Variants in KALRN observed in about 807,000 individuals in gnomAD.
The protein encoded by KALRN is kalirin.
In KALRN, 70 loss-of-function variants were observed where a neutral mutation model predicts 353.7. The observed-to-expected ratio is 0.20, with a 90% CI of 0.16 to 0.24. The LOEUF is 0.24. Among genes scored for constraint, KALRN ranks in the 10% least tolerant of loss-of-function variants. KALRN has a pLI of 1.00. For synonymous variants in KALRN, 1,391 were observed against 1,434.8 expected (o/e 0.97, Z 0.69); for missense variants, 2,791 against 3,756.7 (o/e 0.74, Z 6.72).
At position 124,422,827 on chromosome 3, in the gene KALRN, G is replaced by C. The variant is rs1455971505; in HGVS notation, c.2558G>C (p.Cys853Ser). Residue 853 changes from cysteine (C) to serine (S), a missense_variant, in exon 15 of 60, where the codon TGT becomes TCT. Around this residue, in one of 11 missense-constraint regions of KALRN, gnomAD observed 452 missense variants for 575.8 expected, o/e 0.78. Transcript: ENST00000682506. ...TTAAAATCAGGAATTGAGTTGATCT[G>C]TGAAAAAGACATTGATCTGGCAGCC... ...EVQASGIELI[C>S]EKDIDLAAQV... The C allele has an allele frequency of 6.2e-7, 1 of 1,613,758 alleles. No homozygotes were observed. The highest frequency in any genetic ancestry group is 8.5e-7 in the Non-Finnish European group (1 of 1,179,768).
chr3:124,511,127 T>C (rs2065857011), intron 33 of KALRN, among the ~76,000 whole-genome samples: 1 of 151,836 alleles, frequency 6.6e-6, no homozygotes, highest in Non-Finnish European at 1.5e-5. Flanking sequence ...CCCTCTCCTC[T>C]CCCCTTCCCC....
intron 53 of KALRN, among the ~76,000 whole-genome samples, chr3:124,695,196 A>T (rs899022669): frequency 2.4e-4 from 37 of 152,186 alleles, no homozygotes; most frequent in Non-Finnish European, 4.6e-4. Flanking sequence ...CACAGAGTCC[A>T]TTTAACAAAA....
At position 124,138,013 on chromosome 3, in the gene KALRN, A is replaced by T. The variant is rs80124573; in HGVS notation, c.74-89977A>T. Among the ~76,000 whole-genome samples, 224 of 152,288 alleles carry T rather than the reference A, an allele frequency of 1.5e-3. 3 individuals carry two copies. The East Asian group carries it at 0.041, about 28-fold the overall frequency. ...TCAGAACAGCCCTAGTCGGAGCTTA[A>T]GGCCCTGGACATTCCCAGGGATCCC... On this transcript the variant is annotated intron_variant, in intron 1 of 59. Coordinates refer to ENST00000682506, the MANE Select transcript of KALRN (RefSeq NM_001388419.1).
intron 41 of KALRN, 72 bp downstream of exon 41, chr3:124,657,875 C>A: frequency 8.8e-7 from 1 of 1,134,156 alleles, no homozygotes; most frequent in Non-Finnish European, 1.3e-6. Context: ...AAATCCTGGC[C>A]AGGCACAGTG....
chr3:124,132,316 C>T (rs912205185), intron 1 of KALRN, among the ~76,000 whole-genome samples: 3 of 152,092 alleles, frequency 2.0e-5, no homozygotes, highest in Admixed American at 1.3e-4. Flanking sequence ...AGTTTGGGGC[C>T]ACATTTTCCT....
At chr3:124,166,829 A>G (rs2070932263) in intron 1 of KALRN, among the ~76,000 whole-genome samples, 1 of 152,088 alleles carries the variant, frequency 6.6e-6, no homozygotes, top group Admixed American at 6.6e-5. Flanking sequence ...ACTGGAGGCC[A>G]GGAGTTTGAG....
intron 29 of KALRN, 105 bp downstream of exon 29, chr3:124,488,420 G>A (rs2062788914): frequency 1.3e-6 from 1 of 762,726 alleles, no homozygotes; most frequent in East Asian, 2.6e-5. Context: ...TGCAAGGCTG[G>A]AAGAGAGAAG....
At position 124,495,994 on chromosome 3, in the gene KALRN, TATATATATATATATATATACACAC is replaced by T. The variant is rs1292356118; in HGVS notation, c.4833-315_4833-292del. Among the ~76,000 whole-genome samples the T allele has an allele frequency of 8.0e-4, 46 of 57,468 alleles. 8 individuals are homozygous for T. The highest frequency in any genetic ancestry group is 4.1e-3 in the South Asian group (6 of 1,476). The allele number at this position is 57,468 out of a possible 152,430, so 37.7% of individuals were successfully genotyped here. A position where few individuals can be genotyped will look rare whatever the true frequency, so the allele number is the denominator to read the frequency against. On this transcript the variant is annotated intron_variant, in intron 32 of 59. Transcript: ENST00000682506. Reference sequence around the variant, plus strand: ...ATATATATATATATATATATATATATATATATATATATATATATACACACACATATATACATACATACACCCCCT... The same window carrying T: ...ATATATATATATATATATATATATATACATATATACATACATACACCCCCT...
chr3:124,445,933 G>A (rs2093823482), intron 19 of KALRN, among the ~76,000 whole-genome samples: 1 of 152,172 alleles, frequency 6.6e-6, no homozygotes, highest in Non-Finnish European at 1.5e-5. Context: ...CTTAGTTGAT[G>A]GAACTCTCAT....
At chr3:124,120,706 C>T (rs2063890336) in intron 1 of KALRN, among the ~76,000 whole-genome samples, 1 of 77,700 alleles carries the variant, frequency 1.3e-5, no homozygotes, top group South Asian at 4.4e-4. Flanking sequence ...GATAGGAATA[C>T]TAAAAATATA....
chr3:124,206,375 C>A (rs1465344922), intron 1 of KALRN, among the ~76,000 whole-genome samples: 1 of 152,200 alleles, frequency 6.6e-6, no homozygotes, highest in Non-Finnish European at 1.5e-5. Context: ...GCATATGATA[C>A]TTCTGCTCAC....
intron 6 of KALRN, among the ~76,000 whole-genome samples, chr3:124,321,485 G>T (rs377534440): frequency 1.6e-4 from 25 of 152,366 alleles, no homozygotes; most frequent in African/African-American, 5.8e-4. Context: ...CCAGGAATCA[G>T]GTTGGAAGTG....
chr3:124,627,884 A>G (rs1435917571), intron 34 of KALRN, among the ~76,000 whole-genome samples: 2 of 152,214 alleles, frequency 1.3e-5, no homozygotes, highest in Admixed American at 6.5e-5. Flanking sequence ...TCGAGCTCCT[A>G]ATATTCCCTG....
chr3:124,681,625 T>C (rs2087779226), intron 51 of KALRN, among the ~76,000 whole-genome samples: 1 of 139,692 alleles, frequency 7.2e-6, no homozygotes, highest in African/African-American at 2.7e-5. Flanking sequence ...ATTTCAGTGA[T>C]TGTCTTTTTT....
At position 124,490,705 on chromosome 3, in the gene KALRN, A is replaced by T; in HGVS notation, c.4408A>T (p.Asn1470Tyr). 6.2e-7 allele frequency: 1 copy of T among 1,612,878 alleles called. No homozygotes were observed. Among genetic ancestry groups the T allele is most frequent in the Non-Finnish European group, 8.5e-7 (1 of 1,179,700 alleles). Reference sequence around the variant, plus strand: ...TGGATGTTTTTCAGGGTTCGACGAGAACCTGGATGTGCAGGGGGAGTTGAT... The same window carrying T: ...TGGATGTTTTTCAGGGTTCGACGAGTACCTGGATGTGCAGGGGGAGTTGAT... ...HVSMLEGFDE[N>Y]LDVQGELILQ... is the part of the protein sequence containing the mutation. The change falls in exon 30 of 60, where the codon AAC (asparagine) becomes TAC (tyrosine). Residue 1470 changes from asparagine (N) to tyrosine (Y), a missense_variant. By Grantham distance (143) the Asn-to-Tyr change is moderately radical. Around this residue, in one of 11 missense-constraint regions of KALRN, gnomAD observed 239 missense variants for 351.3 expected, o/e 0.68. Transcript: ENST00000682506.
At chr3:124,392,903 C>A (rs1187156559) in intron 11 of KALRN, among the ~76,000 whole-genome samples, 3 of 151,344 alleles carry the variant, frequency 2.0e-5, no homozygotes, top group African/African-American at 7.3e-5. Context: ...CGTTATCTAG[C>A]ATTAGGTATA....
chr3:124,720,663 A>AC lies in KALRN; in HGVS notation c.*1195dup, dbSNP rs1334640451. The AC allele has an allele frequency of 1.3e-5, 2 of 152,542 alleles. No individual in the cohort carries two copies. Among genetic ancestry groups the AC allele is most frequent in the African/African-American group, 4.8e-5 (2 of 41,452 alleles). 9.4% of individuals were successfully genotyped at this position (152,542 alleles called of 1,614,324 possible). The stretch of plus-strand genomic sequence containing the variant: ...TGTAACTGAGATTGCAATACCTGTC[A>AC]CCATGCAGCCGCTGATAGTTCTCTG... On this transcript the variant is annotated 3_prime_UTR_variant, in exon 60 of 60. Coordinates refer to ENST00000682506, the MANE Select transcript of KALRN (RefSeq NM_001388419.1).
At chr3:124,274,687 A>G (rs1465849769) in intron 5 of KALRN, among the ~76,000 whole-genome samples, 1 of 151,934 alleles carries the variant, frequency 6.6e-6, no homozygotes, top group Non-Finnish European at 1.5e-5. Flanking sequence ...TATCCTTATC[A>G]CCCTGCTTGA....
At chr3:124,170,728 G>C (rs2071634480) in intron 1 of KALRN, among the ~76,000 whole-genome samples, 1 of 150,968 alleles carries the variant, frequency 6.6e-6, no homozygotes, top group Non-Finnish European at 1.5e-5. Flanking sequence ...GTGCTGTCTG[G>C]CTCCAGACTT....
Sources: allele counts gnomAD v4.1 joint callset (sites outside exome capture counted in the v4.1 genomes callset), GRCh38; gene constraint gnomAD v4.1.1; regional missense constraint gnomAD v4.1.1; transcripts MANE v1.5; gene names NCBI Gene and HGNC (gene_info 2026-07-23, HGNC 2026-07-21).